Variants in ATF7IP observed in about 807,000 individuals in gnomAD.
The protein encoded by ATF7IP is activating transcription factor 7 interacting protein.
In ATF7IP, 23 loss-of-function variants were observed where a neutral mutation model predicts 106.4. The observed-to-expected ratio is 0.22, with a 90% confidence interval of 0.16 to 0.31. The LOEUF (loss-of-function observed/expected upper bound fraction) is 0.31, where lower values mean the gene tolerates loss of function less well. ATF7IP is among the 10% of genes least tolerant of loss of function. The probability of loss-of-function intolerance (pLI) is 1.00; values close to 1 mark genes in which losing one functional copy is unlikely to be tolerated. For synonymous variants in ATF7IP, 542 were observed against 539.0 expected (o/e 1.01, Z -0.08); for missense variants, 1,334 against 1,524.3 (o/e 0.88, Z 2.08).
At chr12:14,435,048 AC>A (rs772695069) in intron 3 of ATF7IP, among the ~76,000 whole-genome samples, 37 of 151,918 alleles carry the variant, frequency 2.4e-4, no homozygotes, top group Non-Finnish European at 4.7e-4. Flanking sequence ...TGATTGAGCC[AC>A]TGTACTCCAG....
chr12:14,405,748 G>T (rs1940545375), intron 1 of ATF7IP, among the ~76,000 whole-genome samples: 1 of 152,032 alleles, frequency 6.6e-6, no homozygotes, highest in Admixed American at 6.6e-5. Flanking sequence ...ACTCCTGTGG[G>T]TTTTTAGTAG....
chr12:14,431,879 T>A (rs917826348), intron 2 of ATF7IP, among the ~76,000 whole-genome samples: 32 of 152,326 alleles, frequency 2.1e-4, no homozygotes, highest in Middle Eastern at 6.8e-3. Context: ...TATAAGGCCC[T>A]ACCCGTCTCT....
chr12:14,380,864 C>T (rs767405962), intron 1 of ATF7IP, among the ~76,000 whole-genome samples: 2 of 152,184 alleles, frequency 1.3e-5, no homozygotes, highest in Non-Finnish European at 2.9e-5. Flanking sequence ...AGGTGATCCA[C>T]CTCCCTTGGC....
chr12:14,484,522 T>A (rs924275611), intron 13 of ATF7IP, among the ~76,000 whole-genome samples: 2 of 152,236 alleles, frequency 1.3e-5, no homozygotes, highest in Non-Finnish European at 2.9e-5. Context: ...TTCTGCCAAC[T>A]GGGAATATTT....
At chr12:14,389,913 C>T (rs759455398) in intron 1 of ATF7IP, among the ~76,000 whole-genome samples, 2 of 152,154 alleles carry the variant, frequency 1.3e-5, no homozygotes, top group Non-Finnish European at 2.9e-5. Context: ...CGTGAGCCAC[C>T]GCCCCCAGCC....
At chr12:14,491,654 G>C (rs1565557544) in intron 13 of ATF7IP, among the ~76,000 whole-genome samples, 1 of 152,202 alleles carries the variant, frequency 6.6e-6, no homozygotes, top group Non-Finnish European at 1.5e-5. Flanking sequence ...AGACAGTAAA[G>C]GTATGTTGCT....
chr12:14,476,185 G>T, intron 11 of ATF7IP: 1 of 420,250 alleles, frequency 2.4e-6, no homozygotes, highest in East Asian at 4.7e-5. Context: ...AAGGCAGGAG[G>T]ATCGAGGCAA....
rs1332686996 is a variant in ATF7IP at position 14,462,027 on chromosome 12, C to G, written c.2797+894C>G. On this transcript the variant is annotated intron_variant, in intron 9 of 14. Transcript: ENST00000261168. ...TAGCCATTACTAGTGTAGTTACTCC[C>G]TAAGTGTTTTCTCATATAAAACAAT... Among the ~76,000 whole-genome samples the G allele has an allele frequency of 4.6e-5, 7 of 151,992 alleles. No individual in the cohort carries two copies. In the South Asian group the frequency reaches 1.0e-3, roughly 22 times the overall value.
At chr12:14,388,491 C>T (rs1438439199) in intron 1 of ATF7IP, among the ~76,000 whole-genome samples, 3 of 152,002 alleles carry the variant, frequency 2.0e-5, no homozygotes, top group East Asian at 1.9e-4. Context: ...ACATTACAGG[C>T]GCCCATCACC....
intron 3 of ATF7IP, 133 bp downstream of exon 3, chr12:14,434,556 T>C (rs1330067399): frequency 3.3e-6 from 2 of 608,176 alleles, no homozygotes; most frequent in Non-Finnish European, 5.8e-6. Flanking sequence ...CTATACCATT[T>C]TGTTGATGGC....
chr12:14,409,286 A>G (rs920754941), intron 1 of ATF7IP, among the ~76,000 whole-genome samples: 14 of 152,150 alleles, frequency 9.2e-5, no homozygotes, highest in African/African-American at 3.1e-4. Context: ...AATAAAAACA[A>G]TATTGATAAA....
intron 13 of ATF7IP, 36 bp from the exon 14 acceptor site, chr12:14,496,195 A>G: frequency 7.7e-7 from 1 of 1,300,182 alleles, no homozygotes; most frequent in Non-Finnish European, 1.1e-6. Context: ...CAATAGAATT[A>G]TCATTTTATC....
At chr12:14,439,092 A>T (rs1342651717) in intron 5 of ATF7IP, among the ~76,000 whole-genome samples, 2 of 152,194 alleles carry the variant, frequency 1.3e-5, no homozygotes, top group Non-Finnish European at 2.9e-5. Context: ...AACATACAAT[A>T]CCAGAGCTTC....
chr12:14,478,609 A>T, intron 12 of ATF7IP, 137 bp downstream of exon 12: 1 of 941,906 alleles, frequency 1.1e-6, no homozygotes, highest in Non-Finnish European at 1.5e-6. Flanking sequence ...TGTCCTTTTG[A>T]AGGCAGTATA....
In ATF7IP at chr12:14,460,486, T is replaced by C. The variant is rs1220759994; in HGVS notation, c.2159-9T>C. On this transcript the variant is annotated splice_polypyrimidine_tract_variant and intron_variant, in intron 8 of 14. Coordinates refer to ENST00000261168, the MANE Select transcript of ATF7IP (RefSeq NM_018179.5). Reference sequence around the variant, plus strand: ...CATTTAAACTGAGGCTTCTGTTTTCTTTCTATAGTATCTTCAACCAATCTT... The same window carrying C: ...CATTTAAACTGAGGCTTCTGTTTTCCTTCTATAGTATCTTCAACCAATCTT... 6.3e-7 allele frequency: 1 copy of C among 1,596,490 alleles called. No homozygotes were observed. The highest frequency in any genetic ancestry group is 1.8e-5 in the Admixed American group (1 of 56,672).
chr12:14,468,971 T>C (rs1298638658), intron 10 of ATF7IP, among the ~76,000 whole-genome samples: 1 of 152,226 alleles, frequency 6.6e-6, no homozygotes, highest in African/African-American at 2.4e-5. Flanking sequence ...CCTGTGATTC[T>C]TTGAATTGTC....
At chr12:14,450,432 T>C (rs1448806712) in intron 6 of ATF7IP, among the ~76,000 whole-genome samples, 3 of 152,212 alleles carry the variant, frequency 2.0e-5, no homozygotes, top group African/African-American at 4.8e-5. Context: ...AAGATGATCA[T>C]GTGGGTTTTG....
At chr12:14,483,061 A>C (rs540258606) in intron 13 of ATF7IP, among the ~76,000 whole-genome samples, 1 of 152,352 alleles carries the variant, frequency 6.6e-6, no homozygotes, top group South Asian at 2.1e-4. Context: ...GGAAATACTC[A>C]TGACAATTAC....
At chr12:14,458,659 C>CA (rs1476164830) in intron 8 of ATF7IP, among the ~76,000 whole-genome samples, 1 of 152,002 alleles carries the variant, frequency 6.6e-6, no homozygotes, top group African/African-American at 2.4e-5. Flanking sequence ...TCTCTCTCTA[C>CA]AAAAAATACA....
Sources: gnomAD v4.1 joint callset for allele counts (sites outside exome capture counted in the v4.1 genomes callset) on GRCh38, gnomAD v4.1.1 for gene constraint, MANE v1.5 for transcripts, NCBI Gene and HGNC (gene_info 2026-07-23, HGNC 2026-07-21) for gene names.